The following BDKRB2 variants were observed in gnomAD, a reference collection of about 807,000 sequenced individuals.
BDKRB2 encodes B2 bradykinin receptor.
A neutral mutation model predicts 4.0 loss-of-function variants in BDKRB2; 6 were observed. That is an observed-to-expected ratio of 1.49 (90% CI 0.81 to 2.93). The LOEUF (loss-of-function observed/expected upper bound fraction) is 2.93. Among genes scored for constraint, BDKRB2 ranks in the 30% most tolerant of loss-of-function variants. BDKRB2 has a pLI of 0.00. For missense variants in BDKRB2, 478 were observed against 520.1 expected, an observed-to-expected ratio of 0.92 and a Z score of 0.79; for synonymous variants, 225 against 215.3, an observed-to-expected ratio of 1.05 and a Z score of -0.40.
intron 1 of BDKRB2, among the ~76,000 whole-genome samples, chr14:96,235,806 C>T (rs898618158): frequency 2.1e-5 from 3 of 142,996 alleles, no homozygotes; most frequent in African/African-American, 7.5e-5. Flanking sequence ...CACCCACATA[C>T]CCACACATGC....
In BDKRB2 at chr14:96,236,880, G is replaced by A. The variant is rs545254806; in HGVS notation, c.-39-189G>A. ...TGCAGTTATTAAGTGACTGAGCAAT[G>A]TCTGGCTTCTCCAGTAGACTGTCAG... On this transcript the variant is annotated intron_variant, in intron 1 of 2. Coordinates refer to ENST00000554311, the MANE Select transcript of BDKRB2 (RefSeq NM_001379692.1). 8.5e-5 allele frequency among the ~76,000 whole-genome samples: 13 copies of A among 152,328 alleles called. 1 individual carries two copies. The South Asian group carries it at 2.3e-3, about 27-fold the overall frequency.
intron 1 of BDKRB2, among the ~76,000 whole-genome samples, chr14:96,227,684 AAC>A (rs72338972): frequency 0.19 from 29,336 of 151,472 alleles, 2,961 homozygotes; most frequent in African/African-American, 0.26. Context: ...TGTGCACACA[AAC>A]ACACACATGC....
chr14:96,213,568 A>T (rs1443213261), intron 1 of BDKRB2, among the ~76,000 whole-genome samples: 1 of 151,866 alleles, frequency 6.6e-6, no homozygotes, highest in African/African-American at 2.4e-5. Flanking sequence ...TGCTGCCTGC[A>T]TGTCCTCACA....
chr14:96,211,376 G>T (rs8008168), intron 1 of BDKRB2, among the ~76,000 whole-genome samples: 8 of 152,066 alleles, frequency 5.3e-5, no homozygotes, highest in Non-Finnish European at 1.0e-4. Flanking sequence ...CCCACTGGCC[G>T]GTTAGCAAAG....
At chr14:96,212,634 C>T (rs1440126198) in intron 1 of BDKRB2, among the ~76,000 whole-genome samples, 4 of 152,162 alleles carry the variant, frequency 2.6e-5, no homozygotes, top group Admixed American at 2.0e-4. Context: ...TGGGTGGCGG[C>T]TCACTTGGGT....
chr14:96,229,267 T>A (rs1286476810), intron 1 of BDKRB2, among the ~76,000 whole-genome samples: 1 of 152,102 alleles, frequency 6.6e-6, no homozygotes, highest in African/African-American at 2.4e-5. Context: ...AACCTTCTGC[T>A]TGCAGGGGGA....
At position 96,240,919 on chromosome 14, in the gene BDKRB2, C is replaced by T; in HGVS notation, c.591C>T (p.Thr197=). The T allele has an allele frequency of 6.3e-7, 1 of 1,597,004 alleles. No individual in the cohort carries two copies. The highest frequency in any genetic ancestry group is 8.5e-7 in the Non-Finnish European group (1 of 1,171,664). Reference sequence around the variant, plus strand: ...GCTCACCCATGCTGGTGTTCCGGACCATGAAGGAGTACAGCGATGAGGGCC... The same window carrying T: ...GCTCACCCATGCTGGTGTTCCGGACTATGAAGGAGTACAGCGATGAGGGCC... ...LLSSPMLVFR[T]MKEYSDEGHN... Residue 197 remains threonine (T), a synonymous_variant, in exon 3 of 3, where the codon ACC becomes ACT. Transcript: ENST00000554311.
At chr14:96,237,833 C>T (rs879854491) in intron 2 of BDKRB2, 302 of 1,289,610 alleles carry the variant, frequency 2.3e-4, no homozygotes, top group Non-Finnish European at 2.7e-4. Context: ...GATGGCTTCT[C>T]AGAGCCAGGG....
At chr14:96,234,474 G>A (rs909053885) in intron 1 of BDKRB2, among the ~76,000 whole-genome samples, 1 of 152,130 alleles carries the variant, frequency 6.6e-6, no homozygotes, top group Non-Finnish European at 1.5e-5. Flanking sequence ...AAAGAGCTCC[G>A]TGGTACCCAT....
chr14:96,239,083 C>T (rs1297197157), intron 2 of BDKRB2: 1 of 985,316 alleles, frequency 1.0e-6, no homozygotes, highest in African/African-American at 1.7e-5. Context: ...TCTCCCGTGA[C>T]TCGTAGTTCA....
intron 1 of BDKRB2, among the ~76,000 whole-genome samples, chr14:96,208,849 A>T (rs1334066170): frequency 6.6e-6 from 1 of 152,064 alleles, no homozygotes; most frequent in Non-Finnish European, 1.5e-5. Flanking sequence ...AGCCTCTCTG[A>T]TCTGTGCCAC....
chr14:96,214,223 A>C (rs1890366514), intron 1 of BDKRB2, among the ~76,000 whole-genome samples: 1 of 152,184 alleles, frequency 6.6e-6, no homozygotes, highest in Non-Finnish European at 1.5e-5. Flanking sequence ...CTTTCCCTGC[A>C]AGTGGTCTGG....
intron 1 of BDKRB2, among the ~76,000 whole-genome samples, chr14:96,224,176 G>C (rs1890641705): frequency 6.6e-6 from 1 of 152,216 alleles, no homozygotes; most frequent in African/African-American, 2.4e-5. Context: ...TAGAGAAAAA[G>C]ATTGGCTGCG....
Position 96,225,958 on chromosome 14 carries a change from A to T in BDKRB2, c.-39-11111A>T, listed in dbSNP as rs533891267. Among the ~76,000 whole-genome samples, 55 of 152,086 alleles carry T rather than the reference A, an allele frequency of 3.6e-4. 1 individual carries two copies. In the South Asian group the frequency reaches 8.9e-3, roughly 25 times the overall value. ...CATCCCCAGGACACCGGAGACCACCAGGGGGCTGGAGAGGCTGCGGGAGAA... is the reference window on the plus strand; with the variant it reads ...CATCCCCAGGACACCGGAGACCACCTGGGGGCTGGAGAGGCTGCGGGAGAA... On this transcript the variant is annotated intron_variant, in intron 1 of 2. Coordinates refer to ENST00000554311, the MANE Select transcript of BDKRB2 (RefSeq NM_001379692.1).
rs560114864 is a variant in BDKRB2, at chr14:96,237,892, A to G, written c.74+711A>G. 4 of 1,280,170 alleles carry G rather than the reference A, an allele frequency of 3.1e-6. No individual in the cohort carries two copies. In the African/African-American group the frequency reaches 6.1e-5, roughly 19 times the overall value. 79.3% of individuals were successfully genotyped at this position (1,280,170 alleles called of 1,614,324 possible). ...GCTACTGTCTTGCTGAGAAATTAATAAGCAGCATCTGGTGCTATACTTTGG... is the reference window on the plus strand; with the variant it reads ...GCTACTGTCTTGCTGAGAAATTAATGAGCAGCATCTGGTGCTATACTTTGG... On this transcript the variant is annotated intron_variant, in intron 2 of 2. Coordinates refer to ENST00000554311, the MANE Select transcript of BDKRB2 (RefSeq NM_001379692.1).
rs1490472100 is a variant in BDKRB2 at position 96,237,883 on chromosome 14, G to C, written c.74+702G>C. ...ATCCCCTTGGCTACTGTCTTGCTGA[G>C]AAATTAATAAGCAGCATCTGGTGCT... On this transcript the variant is annotated intron_variant, in intron 2 of 2. Coordinates refer to ENST00000554311, the MANE Select transcript of BDKRB2 (RefSeq NM_001379692.1). 6.2e-6 allele frequency: 8 copies of C among 1,281,986 alleles called. No individual in the cohort carries two copies. In the African/African-American group the frequency reaches 1.2e-4, roughly 20 times the overall value. The allele number at this position is 1,281,986 out of a possible 1,614,324, so 79.4% of individuals were successfully genotyped here.
At chr14:96,237,270 C>T (rs187827356) in intron 2 of BDKRB2, 89 bp downstream of exon 2, 73 of 1,231,554 alleles carry the variant, frequency 5.9e-5, no homozygotes, top group African/African-American at 4.5e-5. Context: ...TCTCATGCCC[C>T]GGACAACAGT....
At chr14:96,233,590 G>A (rs1048696119) in intron 1 of BDKRB2, 1 of 152,118 alleles carries the variant, frequency 6.6e-6, no homozygotes, top group Non-Finnish European at 1.5e-5. Context: ...TTCAACATGC[G>A]AAGCTGCCAC....
Position 96,237,096 on chromosome 14 carries a change from C to A in BDKRB2, c.-12C>A, listed in dbSNP as rs774945962. ...CAGGTGTGGCCTCACTCACATCCCA[C>A]TCTGAGTCCAAATGTTCTCTCCCTG... On this transcript the variant is annotated 5_prime_UTR_variant, in exon 2 of 3. Transcript: ENST00000554311. The A allele has an allele frequency of 9.9e-6, 16 of 1,610,550 alleles. No individual in the cohort carries two copies. The South Asian group carries it at 1.8e-4, about 18-fold the overall frequency.
Sources: gnomAD v4.1 joint callset for allele counts (sites outside exome capture counted in the v4.1 genomes callset) on GRCh38, gnomAD v4.1.1 for gene constraint, MANE v1.5 for transcripts, NCBI Gene and HGNC (gene_info 2026-07-23, HGNC 2026-07-21) for gene names.